The following PYGL variants were observed in gnomAD, a reference collection of about 807,000 sequenced individuals.
The protein encoded by PYGL is glycogen phosphorylase, liver form.
In PYGL, 90 loss-of-function variants were observed where a neutral mutation model predicts 100.1. The ratio of observed to expected loss-of-function variants is 0.90; its 90% CI spans 0.76 to 1.07. The LOEUF (loss-of-function observed/expected upper bound fraction) is 1.07, where lower values mean the gene tolerates loss of function less well. Among genes scored for constraint, PYGL ranks in the 50% least tolerant of loss-of-function variants. PYGL has a pLI of 0.00. For synonymous variants in PYGL, 373 were observed against 393.0 expected (o/e 0.95, Z 0.60); for missense variants, 1,016 against 1,057.6 (o/e 0.96, Z 0.55).
intron 10 of PYGL, 32 bp from the exon 11 acceptor site, chr14:50,915,531 C>T (rs374788019): frequency 5.0e-6 from 8 of 1,613,154 alleles, no homozygotes; most frequent in African/African-American, 1.3e-5. Context: ...CCTTGCTGGT[C>T]ACTCAGGTTT....
intron 5 of PYGL, chr14:50,923,686 G>GAAAA (rs2050521124): frequency 4.5e-6 from 1 of 220,534 alleles, no homozygotes; most frequent in Non-Finnish European, 7.7e-6. Flanking sequence ...CAATTTTCTG[G>GAAAA]CAAAAAAAAA....
At chr14:50,941,336 AAAGT>A (rs34267914) in intron 1 of PYGL, among the ~76,000 whole-genome samples, 29,660 of 152,070 alleles carry the variant, frequency 0.2, 3,625 homozygotes, top group East Asian at 0.46. Flanking sequence ...CTTGGCCAAC[AAAGT>A]ATGTCTGCTA....
intron 12 of PYGL, among the ~76,000 whole-genome samples, chr14:50,913,512 C>A (rs2050419021): frequency 6.6e-6 from 1 of 151,798 alleles, no homozygotes; most frequent in South Asian, 2.1e-4. Flanking sequence ...GCTGGGGCTA[C>A]AGGCGCCTGC....
chr14:50,934,880 T>C (rs1164106942), intron 3 of PYGL, among the ~76,000 whole-genome samples: 1 of 152,154 alleles, frequency 6.6e-6, no homozygotes, highest in African/African-American at 2.4e-5. Flanking sequence ...AAGGATCTGG[T>C]TAACTGAGTT....
intron 9 of PYGL, 53 bp from the exon 10 acceptor site, chr14:50,916,024 C>A: frequency 1.2e-6 from 2 of 1,610,070 alleles, no homozygotes; most frequent in Non-Finnish European, 1.7e-6. Flanking sequence ...CACCCCACTG[C>A]ACGGGCCAAA....
chr14:50,916,854 C>G (rs565261575), intron 8 of PYGL, 108 bp downstream of exon 8: 3 of 1,550,820 alleles, frequency 1.9e-6, no homozygotes, highest in Non-Finnish European at 2.7e-6. Context: ...TTGATGCACA[C>G]TATTCCTGCT....
chr14:50,938,871 A>G (rs2050678938), intron 1 of PYGL, among the ~76,000 whole-genome samples: 1 of 152,164 alleles, frequency 6.6e-6, no homozygotes, highest in African/African-American at 2.4e-5. Context: ...TTAATAAAAT[A>G]TTTATAGGGC....
chr14:50,909,988 C>T lies in PYGL; in HGVS notation c.2084G>A (p.Gly695Glu). The T allele has an allele frequency of 1.2e-6, 2 of 1,614,214 alleles. No homozygotes were observed. Among genetic ancestry groups the T allele is most frequent in the Non-Finnish European group, 1.7e-6 (2 of 1,180,052 alleles). ...NGALTIGTMD[G>E]ANVEMAEEAG... ...TTCTTCTGCCATTTCCACATTGGCC[C>T]CATCCATGGTCCCGATAGTTAGGGC... Residue 695 changes from glycine (G) to glutamate (E), a missense_variant, in exon 17 of 20, where the codon GGG (glycine) becomes GAG (glutamate). Coordinates refer to ENST00000216392, the MANE Select transcript of PYGL (RefSeq NM_002863.5).
rs746697171 is a variant in PYGL, at chr14:50,935,128, C to T, written c.403G>A (p.Gly135Ser). 6.2e-7 allele frequency: 1 copy of T among 1,612,342 alleles called. No individual in the cohort carries two copies. Among genetic ancestry groups the T allele is most frequent in the Non-Finnish European group, 8.5e-7 (1 of 1,178,450 alleles). ...EIEEDAGLGNGGLGRLAACFL... is the reference protein window; with the variant it reads ...EIEEDAGLGNSGLGRLAACFL... ...TTACCAGCAAGTCTCCCAAGACCACCATTGCCAAGTCCAGCATCTTCTTCA... is the reference window on the plus strand; with the variant it reads ...TTACCAGCAAGTCTCCCAAGACCACTATTGCCAAGTCCAGCATCTTCTTCA... The change falls in exon 3 of 20, where the codon GGT becomes AGT. Residue 135 changes from glycine to serine, a missense_variant. Physicochemically the swap from Gly to Ser is moderately conservative, Grantham distance 56 (BLOSUM62 0). Coordinates refer to ENST00000216392, the MANE Select transcript of PYGL (RefSeq NM_002863.5).
At chr14:50,913,709 C>A (rs954751539) in intron 12 of PYGL, among the ~76,000 whole-genome samples, 39 of 151,788 alleles carry the variant, frequency 2.6e-4, no homozygotes, top group African/African-American at 8.2e-4. Context: ...ATTTTTTTGG[C>A]GACAGGATCT....
chr14:50,920,895 A>T (rs1245202384), intron 6 of PYGL, 61 bp downstream of exon 6: 1 of 1,490,326 alleles, frequency 6.7e-7, no homozygotes, highest in Admixed American at 1.7e-5. Context: ...ATTTGGTTCT[A>T]ACTACCAATC....
At chr14:50,906,958 T>A (rs566008056) in intron 19 of PYGL, among the ~76,000 whole-genome samples, 3 of 152,338 alleles carry the variant, frequency 2.0e-5, no homozygotes, top group Admixed American at 6.5e-5. Flanking sequence ...GAACTACCCT[T>A]TTATCTGCCT....
In PYGL at chr14:50,913,149, A is replaced by C. The variant is rs757563169; in HGVS notation, c.1519-19T>G. On this transcript the variant is annotated intron_variant, in intron 12 of 19. Coordinates refer to ENST00000216392, the MANE Select transcript of PYGL (RefSeq NM_002863.5). ...CAATTTTCTTTCAATTCAAAGGAAA[A>C]GATGACTTCAATTTGGGGATGGTAA... The C allele has an allele frequency of 1.2e-6, 2 of 1,608,908 alleles. No individual in the cohort carries two copies. The highest frequency in any genetic ancestry group is 1.7e-6 in the Non-Finnish European group (2 of 1,175,884).
chr14:50,912,079 G>T, intron 14 of PYGL, 43 bp from the exon 15 acceptor site: 1 of 1,612,788 alleles, frequency 6.2e-7, no homozygotes, highest in Non-Finnish European at 8.5e-7. Flanking sequence ...GACAGCTGAC[G>T]GTCAGGGCAG....
rs1279342475 is a variant in PYGL, at chr14:50,905,594, G to T, written c.2380-38C>A. ...TATGCATATACAGCCCAGAGTCCCAGTGCGCAGTGAGCTTTATAATAAACA... is the reference window on the plus strand; with the variant it reads ...TATGCATATACAGCCCAGAGTCCCATTGCGCAGTGAGCTTTATAATAAACA... On this transcript the variant is annotated intron_variant, in intron 19 of 19. Coordinates refer to ENST00000216392, the MANE Select transcript of PYGL (RefSeq NM_002863.5). 5 of 1,601,702 alleles carry T rather than the reference G, an allele frequency of 3.1e-6. No individual in the cohort carries two copies. The Admixed American group carries it at 6.7e-5, about 21-fold the overall frequency.
intron 6 of PYGL, 132 bp downstream of exon 6, chr14:50,920,824 C>A (rs2050493302): frequency 1.9e-6 from 2 of 1,050,054 alleles, no homozygotes; most frequent in South Asian, 1.4e-5. Context: ...CCATACAATG[C>A]CTGCTTAGTC....
At chr14:50,936,790 CA>C (rs71121613) in intron 2 of PYGL, among the ~76,000 whole-genome samples, 37,152 of 132,390 alleles carry the variant, frequency 0.28, 5,119 homozygotes, top group East Asian at 0.5. Flanking sequence ...GACTCCGTCT[CA>C]AAAAAAAAAA....
intron 12 of PYGL, 27 bp downstream of exon 12, chr14:50,914,674 C>T: frequency 6.4e-7 from 1 of 1,566,174 alleles, no homozygotes; most frequent in Non-Finnish European, 8.8e-7. Context: ...AGTCAGGCCT[C>T]CTTTCCTCTC....
chr14:50,920,644 CAATA>C (rs764384279), intron 6 of PYGL, 21 bp from the exon 7 acceptor site: 2 of 1,581,288 alleles, frequency 1.3e-6, no homozygotes, highest in Non-Finnish European at 8.7e-7. Context: ...GTTAGAGAAA[CAATA>C]AATAGAGAAA....
Sources: allele counts gnomAD v4.1 joint callset (sites outside exome capture counted in the v4.1 genomes callset), GRCh38; gene constraint gnomAD v4.1.1; transcripts MANE v1.5; gene names NCBI Gene and HGNC (gene_info 2026-07-23, HGNC 2026-07-21).